Variants in PMP22 observed in about 807,000 individuals in gnomAD.
PMP22 encodes the protein peripheral myelin protein 22, also known as Charcot-Marie-Tooth neuropathy 1A (greatly reduced nerve conduction velocity, hereditary motor sensory neuropathy Ia).
Under a neutral mutation model 18.9 loss-of-function variants are expected in PMP22, and 2 were observed. The ratio of observed to expected loss-of-function variants is 0.11; its 90% CI spans 0.04 to 0.33. PMP22 has a LOEUF of 0.33. Among genes scored for constraint, PMP22 ranks in the 10% least tolerant of loss-of-function variants. The pLI, the probability that PMP22 is intolerant of heterozygous loss-of-function variation, is 1.00. For synonymous variants in PMP22, 95 were observed against 89.2 expected (o/e 1.07, Z -0.37); for missense variants, 169 against 202.2 (o/e 0.84, Z 1.00).
chr17:15,237,749 T>C (rs1442838114), intron 4 of PMP22, among the ~76,000 whole-genome samples: 3 of 152,110 alleles, frequency 2.0e-5, no homozygotes, highest in African/African-American at 7.2e-5. Context: ...ATCAGTAAAA[T>C]AACGAGCCTG....
At chr17:15,259,682 C>T (rs1393391498) in intron 2 of PMP22, among the ~76,000 whole-genome samples, 1 of 151,720 alleles carries the variant, frequency 6.6e-6, no homozygotes, top group Non-Finnish European at 1.5e-5. Context: ...TGGCTCACAC[C>T]TGTAATCCCA....
rs1909280214 is a variant in PMP22, at chr17:15,260,881, ACCGC to A, written c.-34-124_-34-121del. 1.2e-5 allele frequency: 8 copies of A among 685,096 alleles called. No homozygotes were observed. In the East Asian group the frequency reaches 2.1e-4, roughly 18 times the overall value. The allele number at this position is 685,096 out of a possible 1,614,324, so 42.4% of individuals were successfully genotyped here. A position where few individuals can be genotyped will look rare whatever the true frequency, so the allele number is the denominator to read the frequency against. On this transcript the variant is annotated intron_variant, in intron 1 of 4. Coordinates refer to ENST00000312280, the MANE Select transcript of PMP22 (RefSeq NM_000304.4). ...GGCCTGGCCCAGCGCCCGCAGCCCGACCGCCCGCGCGGGTCAGGAGCCTTCGCGC... is the reference window on the plus strand; with the variant it reads ...GGCCTGGCCCAGCGCCCGCAGCCCGACCGCGCGGGTCAGGAGCCTTCGCGC...
At chr17:15,259,270 G>A (rs1286140413) in intron 2 of PMP22, 77 bp from the exon 3 acceptor site, 1 of 1,233,692 alleles carries the variant, frequency 8.1e-7, no homozygotes, top group Non-Finnish European at 1.2e-6. Context: ...GAAAGGCCCA[G>A]GGATGGCGAA....
At chr17:15,244,519 G>C (rs1643187826) in intron 3 of PMP22, among the ~76,000 whole-genome samples, 1 of 152,018 alleles carries the variant, frequency 6.6e-6, no homozygotes, top group Non-Finnish European at 1.5e-5. Context: ...ATACTCAGAG[G>C]AAAATAAATA....
At chr17:15,259,021 T>TGTC in intron 3 of PMP22, 73 bp downstream of exon 3, 1 of 1,136,604 alleles carries the variant, frequency 8.8e-7, no homozygotes. Context: ...CCAATAAGCG[T>TGTC]TTCCAGCTCT....
intron 3 of PMP22, among the ~76,000 whole-genome samples, chr17:15,245,670 G>C (rs1449925039): frequency 6.6e-6 from 1 of 152,240 alleles, no homozygotes; most frequent in African/African-American, 2.4e-5. Flanking sequence ...TGAGGGGCCA[G>C]GTTCTGGAGC....
chr17:15,249,249 T>C (rs1243151741), intron 3 of PMP22, among the ~76,000 whole-genome samples: 1 of 152,060 alleles, frequency 6.6e-6, no homozygotes, highest in Non-Finnish European at 1.5e-5. Context: ...CACAATTACA[T>C]CCTGAACATG....
intron 3 of PMP22, 39 bp downstream of exon 3, chr17:15,259,055 G>T: frequency 7.1e-7 from 1 of 1,415,448 alleles, no homozygotes; most frequent in Non-Finnish European, 1.0e-6. Context: ...TGTTACAGGC[G>T]TCTGAGGACA....
chr17:15,260,357 A>C, intron 2 of PMP22: 1 of 462,338 alleles, frequency 2.2e-6, no homozygotes, highest in Non-Finnish European at 4.0e-6. Context: ...AAAAAAAGTT[A>C]AACAATCTTG....
intron 3 of PMP22, among the ~76,000 whole-genome samples, chr17:15,252,611 T>C (rs1908457673): frequency 6.6e-6 from 1 of 152,224 alleles, no homozygotes. Flanking sequence ...ACAGGAAAGC[T>C]CAACAATTCC....
At position 15,242,251 on chromosome 17, in the gene PMP22, C is replaced by CAAA. The variant is rs59075019; in HGVS notation, c.179-2643_179-2641dup. On this transcript the variant is annotated intron_variant, in intron 3 of 4. Transcript: ENST00000312280. ...CTGGGCACAGAGAGAGACTCTGTCT[C>CAAA]AAAAAAAAAAAAAAAAAAAAAAAAG... Among the ~76,000 whole-genome samples the CAAA allele has an allele frequency of 4.5e-3, 247 of 54,604 alleles. 2 individuals carry two copies. Among genetic ancestry groups the CAAA allele is most frequent in the Non-Finnish European group, 4.9e-3 (138 of 28,034 alleles). The allele number at this position is 54,604 out of a possible 152,430, so 35.8% of individuals were successfully genotyped here.
At chr17:15,259,443 A>G (rs376214189) in intron 2 of PMP22, among the ~76,000 whole-genome samples, 115 of 152,260 alleles carry the variant, frequency 7.6e-4, no homozygotes, top group African/African-American at 2.6e-3. Flanking sequence ...ACTCAACCTT[A>G]GACACCTGCA....
At chr17:15,257,535 G>C (rs1203513745) in intron 3 of PMP22, among the ~76,000 whole-genome samples, 1 of 152,222 alleles carries the variant, frequency 6.6e-6, no homozygotes, top group Non-Finnish European at 1.5e-5. Context: ...GGTGTCAGTA[G>C]CGAGTACGGA....
intron 4 of PMP22, among the ~76,000 whole-genome samples, chr17:15,237,230 A>G (rs556260401): frequency 6.6e-6 from 1 of 152,346 alleles, no homozygotes; most frequent in East Asian, 1.9e-4. Flanking sequence ...CTGAACTGAA[A>G]TACTTTTAAC....
chr17:15,248,622 G>A (rs928282689), intron 3 of PMP22, among the ~76,000 whole-genome samples: 1 of 152,100 alleles, frequency 6.6e-6, no homozygotes, highest in African/African-American at 2.4e-5. Flanking sequence ...ACCCTTGTTG[G>A]AAAACTCTAG....
In PMP22 at chr17:15,229,983, T is replaced by TCA; in HGVS notation, c.*932_*933dup. On this transcript the variant is annotated 3_prime_UTR_variant, in exon 5 of 5. Coordinates refer to ENST00000312280, the MANE Select transcript of PMP22 (RefSeq NM_000304.4). ...CTAGACCCAGCCAAGCTCTAGGAAC[T>TCA]CACGGTCCCAAGGAGTCTAGACGCT... The TCA allele has an allele frequency of 1.3e-5, 2 of 152,776 alleles. No individual in the cohort carries two copies. Among genetic ancestry groups the TCA allele is most frequent in the Middle Eastern group, 6.8e-3 (2 of 294 alleles). 9.5% of individuals were successfully genotyped at this position (152,776 alleles called of 1,614,324 possible). A position where few individuals can be genotyped will look rare whatever the true frequency, so the allele number is the denominator to read the frequency against.
In PMP22 at chr17:15,253,523, G is replaced by A. The variant is rs1230779740; in HGVS notation, c.178+5571C>T. The stretch of plus-strand genomic sequence containing the variant: ...TGTCACTCCAACTTGGAATCAAATG[G>A]ACCACTGAGAAACCCGTGGAAGACA... On this transcript the variant is annotated intron_variant, in intron 3 of 4. Transcript: ENST00000312280. 3.3e-5 allele frequency among the ~76,000 whole-genome samples: 5 copies of A among 151,968 alleles called. No individual in the cohort carries two copies. The highest frequency in any genetic ancestry group is 2.9e-5 in the Non-Finnish European group (2 of 67,988).
Position 15,261,059 on chromosome 17 carries a change from G to T in PMP22, c.-34-298C>A. ...TCTAAAACCACCCAGGGAACGGAGG[G>T]GTTTCCAGAAAATATGAGCAGAGGC... On this transcript the variant is annotated intron_variant, in intron 1 of 4. Coordinates refer to ENST00000312280, the MANE Select transcript of PMP22 (RefSeq NM_000304.4). The surrounding 1 kb of genome is among the most constrained non-coding windows in gnomAD (Gnocchi z 5.2). 5.4e-6 allele frequency: 1 copy of T among 185,018 alleles called. No homozygotes were observed. The highest frequency in any genetic ancestry group is 1.1e-5 in the Non-Finnish European group (1 of 91,768). 11.5% of individuals were successfully genotyped at this position (185,018 alleles called of 1,614,324 possible).
chr17:15,244,536 T>A (rs904833035), intron 3 of PMP22, among the ~76,000 whole-genome samples: 2 of 152,106 alleles, frequency 1.3e-5, no homozygotes, highest in African/African-American at 4.8e-5. Context: ...AATAAGGACA[T>A]TGATTGTAGC....
Sources: gnomAD v4.1 joint callset for allele counts (sites outside exome capture counted in the v4.1 genomes callset) on GRCh38, gnomAD v4.1.1 for gene constraint, Gnocchi (gnomAD v3.1) non-coding constraint, MANE v1.5 for transcripts, NCBI Gene and HGNC (gene_info 2026-07-23, HGNC 2026-07-21) for gene names.